The following VWC2L variants were observed in gnomAD, a reference collection of about 807,000 sequenced individuals.
VWC2L encodes von Willebrand factor C domain-containing protein 2-like.
A neutral mutation model predicts 21.6 loss-of-function variants in VWC2L; 10 were observed. The observed-to-expected ratio is 0.46, with a 90% confidence interval of 0.29 to 0.78. VWC2L has a LOEUF of 0.78. VWC2L is among the 30% of genes least tolerant of loss of function. VWC2L has a pLI of 0.10. For missense variants in VWC2L, 209 were observed against 277.1 expected, an observed-to-expected ratio of 0.75 and a Z score of 1.74; for synonymous variants, 96 against 94.3, an observed-to-expected ratio of 1.02 and a Z score of -0.10.
At chr2:214,507,868 T>G (rs1688989436) in intron 3 of VWC2L, among the ~76,000 whole-genome samples, 1 of 152,222 alleles carries the variant, frequency 6.6e-6, no homozygotes, top group African/African-American at 2.4e-5. Context: ...AGTTGCCACA[T>G]TTTTCTTTAA....
At chr2:214,502,866 G>T (rs1185469207) in intron 3 of VWC2L, among the ~76,000 whole-genome samples, 3 of 152,028 alleles carry the variant, frequency 2.0e-5, no homozygotes, top group African/African-American at 7.2e-5. Context: ...CCAGTAAAAA[G>T]CTTCCCCAGA....
chr2:214,443,749 C>T (rs973132176), intron 3 of VWC2L, among the ~76,000 whole-genome samples: 1 of 151,972 alleles, frequency 6.6e-6, no homozygotes, highest in Non-Finnish European at 1.5e-5. Flanking sequence ...AAAGAAATTC[C>T]CGATAAAGTC....
intron 3 of VWC2L, among the ~76,000 whole-genome samples, chr2:214,451,415 C>A (rs1210685607): frequency 6.6e-6 from 1 of 151,562 alleles, no homozygotes; most frequent in Non-Finnish European, 1.5e-5. Flanking sequence ...AAGGGTCAGA[C>A]CCCAAAATGC....
At chr2:214,510,645 G>T (rs1689038140) in intron 3 of VWC2L, among the ~76,000 whole-genome samples, 1 of 152,138 alleles carries the variant, frequency 6.6e-6, no homozygotes, top group African/African-American at 2.4e-5. Context: ...GACTTCTCCT[G>T]ATCCTCACAG....
At chr2:214,420,032 C>A (rs1702416395) in intron 2 of VWC2L, among the ~76,000 whole-genome samples, 1 of 151,986 alleles carries the variant, frequency 6.6e-6, no homozygotes, top group South Asian at 2.1e-4. Context: ...GCACTCCAGC[C>A]TGGGCAACAG....
intron 3 of VWC2L, among the ~76,000 whole-genome samples, chr2:214,509,663 T>C (rs1489685601): frequency 1.3e-5 from 2 of 152,156 alleles, no homozygotes; most frequent in African/African-American, 4.8e-5. Context: ...TTTTGAGAAG[T>C]GAATTGCTTT....
At chr2:214,514,886 A>T (rs1055646025) in intron 3 of VWC2L, among the ~76,000 whole-genome samples, 3 of 152,234 alleles carry the variant, frequency 2.0e-5, no homozygotes, top group African/African-American at 7.2e-5. Flanking sequence ...GGAAGATTCA[A>T]TTTGGGCTTT....
At chr2:214,551,727 A>G (rs1353045552) in intron 3 of VWC2L, among the ~76,000 whole-genome samples, 7 of 152,186 alleles carry the variant, frequency 4.6e-5, no homozygotes, top group African/African-American at 1.7e-4. Flanking sequence ...ACCCGCATCA[A>G]TCTAAATGTC....
rs546382994 is a variant in VWC2L, at chr2:214,576,629, G to T, written c.*809G>T. The T allele has an allele frequency of 6.6e-6, 1 of 152,156 alleles. No individual in the cohort carries two copies. The highest frequency in any genetic ancestry group is 2.4e-5 in the African/African-American group (1 of 41,434). 9.4% of individuals were successfully genotyped at this position (152,156 alleles called of 1,614,324 possible). ...AGCATTAATCATCAGACTTTTTCAT[G>T]ATGTGAAATTTGAGTTTGGTTTGTA... On this transcript the variant is annotated 3_prime_UTR_variant, in exon 4 of 4. Coordinates refer to ENST00000312504, the MANE Select transcript of VWC2L (RefSeq NM_001080500.4).
At chr2:214,558,307 C>A (rs1178952125) in intron 3 of VWC2L, among the ~76,000 whole-genome samples, 1 of 152,158 alleles carries the variant, frequency 6.6e-6, no homozygotes, top group Non-Finnish European at 1.5e-5. Context: ...CATTCACTCC[C>A]CTGAATTCAA....
intron 3 of VWC2L, among the ~76,000 whole-genome samples, chr2:214,444,461 C>T (rs768087900): frequency 1.3e-5 from 2 of 151,840 alleles, no homozygotes; most frequent in Non-Finnish European, 2.9e-5. Context: ...AACCAGGTTT[C>T]TAAATGTAAA....
chr2:214,518,197 CAACTGATAG>C (rs1689176061), intron 3 of VWC2L, among the ~76,000 whole-genome samples: 1 of 152,004 alleles, frequency 6.6e-6, no homozygotes, highest in Admixed American at 6.6e-5. Context: ...TACTGTATGT[CAACTGATAG>C]AAAGCCTGGA....
At chr2:214,463,301 GATTT>G (rs1298245117) in intron 3 of VWC2L, among the ~76,000 whole-genome samples, 4 of 152,028 alleles carry the variant, frequency 2.6e-5, no homozygotes, top group South Asian at 2.1e-4. Flanking sequence ...GATGTACATA[GATTT>G]ATTATGACTT....
rs1449749119 is a variant in VWC2L at position 214,411,150 on chromosome 2, C to G, written c.-717C>G. On this transcript the variant is annotated 5_prime_UTR_variant, in exon 1 of 4. Coordinates refer to ENST00000312504, the MANE Select transcript of VWC2L (RefSeq NM_001080500.4). The stretch of plus-strand genomic sequence containing the variant: ...GTGCTGAGGAATTCCCGGCTGCCGG[C>G]AGAATGAGCTCCAAATCAGCAATCT... 3 of 152,188 alleles carry G rather than the reference C, an allele frequency of 2.0e-5. No homozygotes were observed. The highest frequency in any genetic ancestry group is 2.0e-4 in the Admixed American group (3 of 15,274). The allele number at this position is 152,188 out of a possible 1,614,324, so 9.4% of individuals were successfully genotyped here.
At chr2:214,484,982 T>C (rs1199061917) in intron 3 of VWC2L, among the ~76,000 whole-genome samples, 1 of 152,264 alleles carries the variant, frequency 6.6e-6, no homozygotes, top group East Asian at 1.9e-4. Flanking sequence ...AAGGACCTGT[T>C]TGAAACTGAG....
In VWC2L at chr2:214,428,220, CA is replaced by C. The variant is rs1343967053; in HGVS notation, c.391-8405del. ...TTTCACATATTATATAGTTTAGTCT[CA>C]AAACAATCCAATGAGAAAATTAGAG... On this transcript the variant is annotated intron_variant, in intron 2 of 3. Coordinates refer to ENST00000312504, the MANE Select transcript of VWC2L (RefSeq NM_001080500.4). Among the ~76,000 whole-genome samples the C allele has an allele frequency of 2.6e-5, 4 of 152,084 alleles. No individual in the cohort carries two copies. In the East Asian group the frequency reaches 7.7e-4, roughly 29 times the overall value.
chr2:214,471,010 CA>C (rs1252384107), intron 3 of VWC2L, among the ~76,000 whole-genome samples: 1 of 147,684 alleles, frequency 6.8e-6, no homozygotes, highest in Non-Finnish European at 1.5e-5. Context: ...ATACTTTGAT[CA>C]AATGTATATC....
intron 3 of VWC2L, among the ~76,000 whole-genome samples, chr2:214,440,471 T>G (rs959433475): frequency 1.3e-5 from 2 of 152,090 alleles, no homozygotes; most frequent in African/African-American, 4.8e-5. Flanking sequence ...TGTGAATTAA[T>G]GAGCACTCTT....
intron 3 of VWC2L, among the ~76,000 whole-genome samples, chr2:214,511,695 A>G (rs1026183834): frequency 3.9e-5 from 6 of 152,072 alleles, no homozygotes; most frequent in Non-Finnish European, 7.4e-5. Flanking sequence ...TGGCAGTCTG[A>G]GCATACTAGC....
Sources: gnomAD v4.1 joint callset for allele counts (sites outside exome capture counted in the v4.1 genomes callset) on GRCh38, gnomAD v4.1.1 for gene constraint, MANE v1.5 for transcripts, NCBI Gene and HGNC (gene_info 2026-07-23, HGNC 2026-07-21) for gene names.